Variants in GAMT observed in about 807,000 individuals in gnomAD.
GAMT encodes guanidinoacetate N-methyltransferase, also known as epididymis secretory protein Li 20.
A neutral mutation model predicts 26.9 loss-of-function variants in GAMT; 26 were observed. That is an observed-to-expected ratio of 0.97 (90% CI 0.71 to 1.34). GAMT has a LOEUF of 1.34. GAMT is among the 40% of genes most tolerant of loss of function. The pLI, the probability that GAMT is intolerant of heterozygous loss-of-function variation, is 0.00. For synonymous variants in GAMT, 169 were observed against 149.6 expected (o/e 1.13, Z -0.95); for missense variants, 412 against 345.0 (o/e 1.19, Z -1.54).
At chr19:1,398,739 T>C (rs764059052) in intron 5 of GAMT, 177 bp downstream of exon 5, 1 of 1,545,668 alleles carries the variant, frequency 6.5e-7, no homozygotes, top group Non-Finnish European at 8.7e-7. Flanking sequence ...CCACTGCTCC[T>C]GGCAGCCACT....
At chr19:1,397,524 C>T in intron 5 of GAMT, 25 bp from the exon 6 acceptor site, 1 of 1,599,796 alleles carries the variant, frequency 6.3e-7, no homozygotes. Flanking sequence ...CACCAGGTCA[C>T]CTCTGAGGGC....
In GAMT at chr19:1,399,101, G is replaced by C. The variant is rs754901390; in HGVS notation, c.459+27C>G. 6.2e-7 allele frequency: 1 copy of C among 1,613,400 alleles called. No individual in the cohort carries two copies. The highest frequency in any genetic ancestry group is 1.1e-5 in the South Asian group (1 of 91,078). ...AGAGGGGCTTCCCCGAGGGCCTCCC[G>C]CATCCCAGCAAGTCAGAGAGAACCA... On this transcript the variant is annotated intron_variant, in intron 4 of 5. Coordinates refer to ENST00000252288, the MANE Select transcript of GAMT (RefSeq NM_000156.6). The surrounding 1 kb of genome is among the most constrained non-coding windows in gnomAD (Gnocchi z 6.2).
Position 1,401,346 on chromosome 19 carries a change from C to A in GAMT, c.131G>T (p.Arg44Leu), listed in dbSNP as rs200339910. 2.0e-6 allele frequency: 3 copies of A among 1,536,906 alleles called. No individual in the cohort carries two copies. The highest frequency in any genetic ancestry group is 1.2e-5 in the South Asian group (1 of 83,656). Residue 44 changes from arginine to leucine, a missense_variant, in exon 1 of 6, where the codon CGC (arginine) becomes CTC (leucine). Transcript: ENST00000252288. The part of the protein sequence containing the change: ...LRILGKPVME[R>L]WETPYMHALA... ...CGCGTGCATATAGGGGGTCTCCCAG[C>A]GCTCCATCACCGGCTTGCCCAGGAT...
In GAMT at chr19:1,399,807, G is replaced by T; in HGVS notation, c.313C>A (p.Arg105=). The change falls in exon 2 of 6, where the codon CGG becomes AGG. Residue 105 remains arginine, a synonymous_variant. Coordinates refer to ENST00000252288, the MANE Select transcript of GAMT (RefSeq NM_000156.6). The surrounding 1 kb of genome is among the most constrained non-coding windows in gnomAD (Gnocchi z 6.2). ...CAGAGGGGCACCTTGTGTGTCTGCC[G>T]TGGGGCCCAGTCCCGGAGCCGCTGG... ...VFQRLRDWAP[R]QTHKVIPLKG... 6.4e-7 allele frequency: 1 copy of T among 1,571,250 alleles called. No individual in the cohort carries two copies. Among genetic ancestry groups the T allele is most frequent in the Non-Finnish European group, 8.6e-7 (1 of 1,159,068 alleles).
Position 1,401,422 on chromosome 19 carries a change from C to T in GAMT, c.55G>A (p.Ala19Thr). 1.4e-6 allele frequency: 2 copies of T among 1,446,616 alleles called. No individual in the cohort carries two copies. The highest frequency in any genetic ancestry group is 1.8e-6 in the Non-Finnish European group (2 of 1,101,438). The allele number at this position is 1,446,616 out of a possible 1,614,324, so 89.6% of individuals were successfully genotyped here. Residue 19 changes from alanine to threonine, a missense_variant, in exon 1 of 6, where the codon GCG becomes ACG. By Grantham distance (58) the Ala-to-Thr change is moderately conservative (BLOSUM62 0). Transcript: ENST00000252288. ...IFAPGENCSP[A>T]WGAAPAAYDA... ...TAGGCCGCGGGCGCCGCCCCCCACG[C>T]GGGGCTGCAGTTCTCGCCGGGCGCG...
At position 1,397,869 on chromosome 19, in the gene GAMT, C is replaced by T. The variant is rs2082609702; in HGVS notation, c.571-370G>A. On this transcript the variant is annotated intron_variant, in intron 5 of 5. Coordinates refer to ENST00000252288, the MANE Select transcript of GAMT (RefSeq NM_000156.6). ...AAAGCTGCCCCAGGGGCCACAGGCA[C>T]CCAGCCGGCTCTCACAACAGCAGCC... is the stretch of plus-strand genomic sequence containing the variant. 12 of 1,144,382 alleles carry T rather than the reference C, an allele frequency of 1.0e-5. No individual in the cohort carries two copies. In the South Asian group the frequency reaches 2.3e-4, roughly 22 times the overall value. 70.9% of individuals were successfully genotyped at this position (1,144,382 alleles called of 1,614,324 possible).
At position 1,398,525 on chromosome 19, in the gene GAMT, C is replaced by T. The variant is rs950276558; in HGVS notation, c.570+391G>A. 1.4e-5 allele frequency: 8 copies of T among 591,224 alleles called. No individual in the cohort carries two copies. The Admixed American group carries it at 2.1e-4, about 16-fold the overall frequency. 36.6% of individuals were successfully genotyped at this position (591,224 alleles called of 1,614,324 possible). A position where few individuals can be genotyped will look rare whatever the true frequency, so the allele number is the denominator to read the frequency against. ...ATCTGGGCTCACTGCAACCTCTGCC[C>T]CTGGGGCCCAAGCAATCCTCCTACC... is the stretch of plus-strand genomic sequence containing the variant. On this transcript the variant is annotated intron_variant, in intron 5 of 5. Transcript: ENST00000252288.
rs200593372 is a variant in GAMT, at chr19:1,399,231, G to C, written c.392-36C>G. The C allele has an allele frequency of 6.2e-7, 1 of 1,608,794 alleles. No individual in the cohort carries two copies. The highest frequency in any genetic ancestry group is 1.1e-5 in the South Asian group (1 of 90,980). ...AACAGAAGCCCACGCGGTCAGGGCC[G>C]GGCTCAGCGCCTCACCCAGCCTCAC... On this transcript the variant is annotated intron_variant, in intron 3 of 5. Coordinates refer to ENST00000252288, the MANE Select transcript of GAMT (RefSeq NM_000156.6). The surrounding 1 kb of genome is among the most constrained non-coding windows in gnomAD (Gnocchi z 6.2).
Position 1,399,265 on chromosome 19 carries a change from TC to T in GAMT, c.392-71del. 1 of 1,535,666 alleles carries T rather than the reference TC, an allele frequency of 6.5e-7. No homozygotes were observed. Among genetic ancestry groups the T allele is most frequent in the Non-Finnish European group, 9.0e-7 (1 of 1,110,038 alleles). Reference sequence around the variant, plus strand: ...GCCTCACCCAGCCTCACCCGGCTCATCCCCCAGCGGGTGGAGGTGCAGTGAG... The same window carrying T: ...GCCTCACCCAGCCTCACCCGGCTCATCCCCAGCGGGTGGAGGTGCAGTGAG... On this transcript the variant is annotated intron_variant, in intron 3 of 5. Transcript: ENST00000252288. This position sits in a 1 kb window ranked among gnomAD's most constrained non-coding sequence, Gnocchi z 6.2.
At chr19:1,398,511 C>A in intron 5 of GAMT, 1 of 582,818 alleles carries the variant, frequency 1.7e-6, no homozygotes, top group Non-Finnish European at 3.0e-6. Flanking sequence ...TCTGGGCTCA[C>A]TGCAACCTCT....
rs747810743 is a variant in GAMT, at chr19:1,397,542, G to T, written c.571-43C>A. The T allele has an allele frequency of 2.5e-6, 4 of 1,597,424 alleles. No individual in the cohort carries two copies. In the East Asian group the frequency reaches 8.9e-5, roughly 36 times the overall value. ...CAGGTCACCTCTGAGGGCCATGGGGGTCACGTGCACCCTGGCGCCCACCCC... is the reference window on the plus strand; with the variant it reads ...CAGGTCACCTCTGAGGGCCATGGGGTTCACGTGCACCCTGGCGCCCACCCC... On this transcript the variant is annotated intron_variant, in intron 5 of 5. Transcript: ENST00000252288.
intron 1 of GAMT, 35 bp downstream of exon 1, chr19:1,401,261 G>GC (rs780196985): frequency 2.9e-6 from 4 of 1,399,134 alleles, no homozygotes; most frequent in Admixed American, 5.7e-5. Flanking sequence ...TTTCCCCTGC[G>GC]CCCCCGGGGG....
intron 5 of GAMT, chr19:1,398,024 C>T (rs1448772494): frequency 2.0e-6 from 2 of 1,023,234 alleles, no homozygotes; most frequent in African/African-American, 1.7e-5. Flanking sequence ...ACACGCAGGG[C>T]TTAGGCTGAA....
intron 5 of GAMT, 70 bp downstream of exon 5, chr19:1,398,832 TAGCAAGGTGGCTCC>T (rs769798347): frequency 6.3e-7 from 1 of 1,577,900 alleles, no homozygotes; most frequent in African/African-American, 1.4e-5. Flanking sequence ...CCTCCCCAGG[TAGCAAGGTGGCTCC>T]AGCAGCCCCT....
At chr19:1,400,481 C>T (rs1053499917) in intron 1 of GAMT, among the ~76,000 whole-genome samples, 2 of 152,158 alleles carry the variant, frequency 1.3e-5, no homozygotes, top group African/African-American at 4.8e-5. Flanking sequence ...AGGCCGAAGA[C>T]GGCCGCTTTT....
rs572944977 is a variant in GAMT, at chr19:1,399,576, C to G, written c.339G>C (p.Leu113Phe). ...GTGCCACATCCTCCCACAGGCCTTT[C>G]AAGGGGATGACCTTGCAGAGGGGAA... ...APRQTHKVIP[L>F]KGLWEDVAPT... The change falls in exon 3 of 6, where the codon TTG becomes TTC. Residue 113 changes from leucine to phenylalanine, a missense_variant. Physicochemically the swap from Leu to Phe is conservative, Grantham distance 22 (BLOSUM62 0). Transcript: ENST00000252288. The surrounding 1 kb of genome is among the most constrained non-coding windows in gnomAD (Gnocchi z 6.2). 4 of 1,612,986 alleles carry G rather than the reference C, an allele frequency of 2.5e-6. No homozygotes were observed. In the South Asian group the frequency reaches 4.4e-5, roughly 18 times the overall value.
intron 1 of GAMT, among the ~76,000 whole-genome samples, chr19:1,400,554 C>T (rs1600159937): frequency 1.3e-5 from 2 of 152,294 alleles, no homozygotes; most frequent in Non-Finnish European, 2.9e-5. Flanking sequence ...CTGTTTGTCC[C>T]GGGTCCCTTA....
intron 5 of GAMT, 147 bp downstream of exon 5, chr19:1,398,769 G>C: frequency 6.5e-7 from 1 of 1,550,290 alleles, no homozygotes; most frequent in South Asian, 1.2e-5. Context: ...AAAGGACTTT[G>C]ATTTCTAAAT....
intron 1 of GAMT, 112 bp from the exon 2 acceptor site, chr19:1,400,050 G>A (rs1162240763): frequency 1.4e-5 from 18 of 1,294,530 alleles, no homozygotes; most frequent in African/African-American, 3.0e-5. Flanking sequence ...AGGAGGGGGC[G>A]CAGGGCTGGG....
Sources: allele counts gnomAD v4.1 joint callset (sites outside exome capture counted in the v4.1 genomes callset), GRCh38; gene constraint gnomAD v4.1.1; non-coding constraint Gnocchi (gnomAD v3.1); transcripts MANE v1.5; gene names NCBI Gene and HGNC (gene_info 2026-07-23, HGNC 2026-07-21).